PTPRD: variants seen among roughly 807,000 people sequenced by gnomAD.
PTPRD encodes the protein protein tyrosine phosphatase receptor type D.
A neutral mutation model predicts 214.5 loss-of-function variants in PTPRD; 34 were observed. That is an observed-to-expected ratio of 0.16 (90% CI 0.12 to 0.21). PTPRD has a LOEUF of 0.21. PTPRD is among the 10% of genes least tolerant of loss of function. PTPRD has a pLI of 1.00. For synonymous variants in PTPRD, 1,128 were observed against 845.7 expected, an observed-to-expected ratio of 1.33 and a Z score of -5.79; for missense variants, 2,545 against 2,398.7, an observed-to-expected ratio of 1.06 and a Z score of -1.27.
intron 12 of PTPRD, among the ~76,000 whole-genome samples, chr9:8,649,882 G>A (rs750436064): frequency 2.6e-5 from 4 of 151,928 alleles, no homozygotes; most frequent in African/African-American, 7.3e-5. Flanking sequence ...TTCTTGGTAC[G>A]CAACATTTTA....
chr9:10,236,609 T>C (rs1389271650), intron 3 of PTPRD, among the ~76,000 whole-genome samples: 1 of 151,896 alleles, frequency 6.6e-6, no homozygotes, highest in East Asian at 1.9e-4. Context: ...TAATAAGTTA[T>C]TATATTTTCT....
chr9:10,238,043 A>AG (rs750454255), intron 3 of PTPRD, among the ~76,000 whole-genome samples: 7 of 150,422 alleles, frequency 4.7e-5, no homozygotes, highest in Non-Finnish European at 1.0e-4. Context: ...TTTTTTTTTA[A>AG]AAATCCTTTC....
At chr9:9,357,014 A>G in intron 9 of PTPRD, among the ~76,000 whole-genome samples, 1 of 151,480 alleles carries the variant, frequency 6.6e-6, no homozygotes, top group South Asian at 2.1e-4. Context: ...GGTCTCAAAT[A>G]TAATATGCAC....
chr9:8,599,358 T>A (rs989900550), intron 14 of PTPRD, among the ~76,000 whole-genome samples: 1 of 152,110 alleles, frequency 6.6e-6, no homozygotes, highest in Non-Finnish European at 1.5e-5. Flanking sequence ...TCTGTCTATA[T>A]CACCCTGAAT....
chr9:10,009,979 A>T (rs1588819217), intron 4 of PTPRD, among the ~76,000 whole-genome samples: 1 of 151,852 alleles, frequency 6.6e-6, no homozygotes, highest in East Asian at 1.9e-4. Context: ...CCTTCCCATC[A>T]TGGCCTGAAT....
chr9:8,929,914 T>C (rs376953840), intron 11 of PTPRD, among the ~76,000 whole-genome samples: 44 of 41,970 alleles, frequency 1.0e-3, no homozygotes, highest in African/African-American at 1.3e-3. Flanking sequence ...TATATATGTG[T>C]GTGTATATAT....
At chr9:9,021,963 G>C (rs1264339947) in intron 10 of PTPRD, among the ~76,000 whole-genome samples, 2 of 151,616 alleles carry the variant, frequency 1.3e-5, no homozygotes, top group Non-Finnish European at 2.9e-5. Flanking sequence ...TCACACACTG[G>C]GACATGTAGC....
chr9:9,659,543 C>A (rs543087751), intron 7 of PTPRD, among the ~76,000 whole-genome samples: 1 of 151,838 alleles, frequency 6.6e-6, no homozygotes, highest in East Asian at 1.9e-4. Context: ...TTTTAAACCC[C>A]TGGGCATTCC....
intron 7 of PTPRD, among the ~76,000 whole-genome samples, chr9:9,631,399 A>T (rs1023326353): frequency 1.3e-5 from 2 of 152,136 alleles, no homozygotes; most frequent in African/African-American, 2.4e-5. Context: ...TGGCATGCAC[A>T]TTCAGCCACA....
At chr9:10,124,652 C>T (rs752126970) in intron 3 of PTPRD, among the ~76,000 whole-genome samples, 1 of 152,064 alleles carries the variant, frequency 6.6e-6, no homozygotes, top group Non-Finnish European at 1.5e-5. Flanking sequence ...GTTAGCATAA[C>T]TTTTTAAGTA....
chr9:8,976,987 C>T (rs2099271490), intron 11 of PTPRD, among the ~76,000 whole-genome samples: 1 of 152,050 alleles, frequency 6.6e-6, no homozygotes, highest in Non-Finnish European at 1.5e-5. Context: ...GGCCATTTGG[C>T]TCTGCAAAAA....
chr9:8,857,347 GC>G (rs1479094613), intron 11 of PTPRD, among the ~76,000 whole-genome samples: 1 of 152,184 alleles, frequency 6.6e-6, no homozygotes, highest in Non-Finnish European at 1.5e-5. Flanking sequence ...GGAGGAGAGA[GC>G]GGGGGTCGCA....
At chr9:10,584,263 G>T (rs2073150351) in intron 2 of PTPRD, among the ~76,000 whole-genome samples, 1 of 151,942 alleles carries the variant, frequency 6.6e-6, no homozygotes. Flanking sequence ...CATAAGCCTA[G>T]GAACTGTATT....
chr9:9,845,093 T>A (rs12377537), intron 5 of PTPRD, among the ~76,000 whole-genome samples: 3 of 123,164 alleles, frequency 2.4e-5, no homozygotes, highest in Non-Finnish European at 4.9e-5. Context: ...TATATATAGC[T>A]ATATATATAC....
At chr9:9,234,150 C>G (rs768381412) in intron 9 of PTPRD, among the ~76,000 whole-genome samples, 2 of 152,204 alleles carry the variant, frequency 1.3e-5, no homozygotes, top group African/African-American at 4.8e-5. Context: ...GATCTGAAAT[C>G]TAGGTGGAGG....
chr9:8,646,984 G>A (rs749374816), intron 12 of PTPRD, among the ~76,000 whole-genome samples: 3 of 152,156 alleles, frequency 2.0e-5, no homozygotes, highest in Non-Finnish European at 2.9e-5. Flanking sequence ...ATAGTTTGGC[G>A]AATTAGCTAT....
At chr9:10,564,490 T>G (rs2065038499) in intron 2 of PTPRD, among the ~76,000 whole-genome samples, 1 of 151,770 alleles carries the variant, frequency 6.6e-6, no homozygotes, top group Non-Finnish European at 1.5e-5. Flanking sequence ...AGCAGTATGA[T>G]AGTTCCTGGA....
chr9:9,636,668 G>C (rs1464112476), intron 7 of PTPRD, among the ~76,000 whole-genome samples: 1 of 152,188 alleles, frequency 6.6e-6, no homozygotes, highest in African/African-American at 2.4e-5. Flanking sequence ...AAGACAGATT[G>C]TCACCAGCTT....
chr9:8,671,597 T>C (rs902908090), intron 12 of PTPRD, among the ~76,000 whole-genome samples: 1 of 152,178 alleles, frequency 6.6e-6, no homozygotes, highest in Non-Finnish European at 1.5e-5. Context: ...AAATATTTTA[T>C]CTGTAGGAAT....
Sources: gnomAD v4.1 joint callset for allele counts (sites outside exome capture counted in the v4.1 genomes callset) on GRCh38, gnomAD v4.1.1 for gene constraint, MANE v1.5 for transcripts, NCBI Gene and HGNC (gene_info 2026-07-23, HGNC 2026-07-21) for gene names.